RRP12: variants seen among roughly 807,000 people sequenced by gnomAD.
RRP12 encodes the protein ribosomal RNA processing 12 homolog, also known as RRP12-like protein.
In RRP12, 78 loss-of-function variants were observed where a neutral mutation model predicts 157.3. The observed-to-expected ratio is 0.50, with a 90% CI of 0.41 to 0.60. The LOEUF is 0.60. Ranked by LOEUF, RRP12 falls within the 20% of genes least tolerant of loss-of-function variation. The pLI is 0.00. For synonymous variants in RRP12, 726 were observed against 670.9 expected, an observed-to-expected ratio of 1.08 and a Z score of -1.27; for missense variants, 1,521 against 1,679.9, an observed-to-expected ratio of 0.91 and a Z score of 1.65.
chr10:97,377,225 T>C (rs1844334344), intron 15 of RRP12, among the ~76,000 whole-genome samples: 1 of 151,874 alleles, frequency 6.6e-6, no homozygotes, highest in African/African-American at 2.4e-5. Context: ...CATTAAAAAG[T>C]AGTGTGACAG....
In RRP12 at chr10:97,373,847, C is replaced by T. The variant is rs202239906; in HGVS notation, c.1846G>A (p.Asp616Asn). The change falls in exon 16 of 34, where the codon GAC becomes AAC. Residue 616 changes from aspartate (D) to asparagine (N), a missense_variant. Coordinates refer to ENST00000370992, the MANE Select transcript of RRP12 (RefSeq NM_015179.4). ...ACCCTTACCTGCCACTGGAGTGTGTCGTAGATCTTAGATTCCACTGTGCTG... is the reference window on the plus strand; with the variant it reads ...ACCCTTACCTGCCACTGGAGTGTGTTGTAGATCTTAGATTCCACTGTGCTG... ...AGSTVESKIY[D>N]TLQWQMWTLL... The T allele has an allele frequency of 7.7e-5, 125 of 1,613,796 alleles. No homozygotes were observed. Among genetic ancestry groups the T allele is most frequent in the Admixed American group, 2.2e-4 (13 of 59,994 alleles).
At chr10:97,365,058 A>G (rs1355955655) in intron 29 of RRP12, among the ~76,000 whole-genome samples, 1 of 152,124 alleles carries the variant, frequency 6.6e-6, no homozygotes, top group Non-Finnish European at 1.5e-5. Context: ...CCAACCCGGA[A>G]AAGTGGGTAT....
In RRP12 at chr10:97,371,165, G is replaced by T. The variant is rs191712333; in HGVS notation, c.2344-84C>A. 3.5e-6 allele frequency: 5 copies of T among 1,438,296 alleles called. No homozygotes were observed. In the Admixed American group the frequency reaches 1.0e-4, roughly 30 times the overall value. The allele number at this position is 1,438,296 out of a possible 1,614,324, so 89.1% of individuals were successfully genotyped here. A position where few individuals can be genotyped will look rare whatever the true frequency, so the allele number is the denominator to read the frequency against. ...ACGGAGCATCCCCCAGCACTGGAGG[G>T]ATTCTGAGCAGGGGTCCGTGGGGGC... On this transcript the variant is annotated intron_variant, in intron 20 of 33. Transcript: ENST00000370992.
chr10:97,391,718 G>C (rs1450317260), intron 4 of RRP12, among the ~76,000 whole-genome samples: 1 of 152,148 alleles, frequency 6.6e-6, no homozygotes, highest in East Asian at 1.9e-4. Context: ...TCAGGAGATC[G>C]AGACCATCCT....
chr10:97,396,674 A>G (rs968202791), intron 2 of RRP12, among the ~76,000 whole-genome samples: 1 of 152,244 alleles, frequency 6.6e-6, no homozygotes, highest in Non-Finnish European at 1.5e-5. Flanking sequence ...GATTGGTTCC[A>G]GGACCCCTAA....
rs1257923633 is a variant in RRP12 at position 97,367,176 on chromosome 10, T to C, written c.2956-44A>G. Reference sequence around the variant, plus strand: ...GGCTTTCAGGGAGGCGAGCCTTCCATGCTGCGCCCCCTTTACTGCTGTCCA... The same window carrying C: ...GGCTTTCAGGGAGGCGAGCCTTCCACGCTGCGCCCCCTTTACTGCTGTCCA... On this transcript the variant is annotated intron_variant, in intron 25 of 33. Coordinates refer to ENST00000370992, the MANE Select transcript of RRP12 (RefSeq NM_015179.4). 3.9e-6 allele frequency: 6 copies of C among 1,539,470 alleles called. 1 individual carries two copies. In the South Asian group the frequency reaches 6.7e-5, roughly 17 times the overall value.
chr10:97,380,528 T>C (rs1240025944), intron 13 of RRP12, among the ~76,000 whole-genome samples: 1 of 152,188 alleles, frequency 6.6e-6, no homozygotes, highest in African/African-American at 2.4e-5. Context: ...GGGGTGGGGA[T>C]AAGGGAAAGC....
intron 5 of RRP12, 84 bp downstream of exon 5, chr10:97,390,655 C>A: frequency 7.3e-7 from 1 of 1,363,766 alleles, no homozygotes; most frequent in Non-Finnish European, 1.0e-6. Flanking sequence ...GGTGCCTAAA[C>A]CCCTCTCAGG....
intron 15 of RRP12, among the ~76,000 whole-genome samples, chr10:97,376,123 C>T (rs1409932478): frequency 6.6e-6 from 1 of 150,898 alleles, no homozygotes; most frequent in Admixed American, 6.6e-5. Context: ...AACAAACAAA[C>T]AAACCGACCC....
In RRP12 at chr10:97,367,396, T is replaced by C; in HGVS notation, c.2956-264A>G. ...AGTCTTCTCAACAGCACTTGGTACTTGACATATATCCTCTCCTTGAATCCT... is the reference window on the plus strand; with the variant it reads ...AGTCTTCTCAACAGCACTTGGTACTCGACATATATCCTCTCCTTGAATCCT... On this transcript the variant is annotated intron_variant, in intron 25 of 33. Transcript: ENST00000370992. 4 of 549,428 alleles carry C rather than the reference T, an allele frequency of 7.3e-6. No homozygotes were observed. In the South Asian group the frequency reaches 8.6e-5, roughly 12 times the overall value. The allele number at this position is 549,428 out of a possible 1,614,324, so 34.0% of individuals were successfully genotyped here.
chr10:97,373,716 A>G lies in RRP12; in HGVS notation c.1885T>C (p.Phe629Leu), dbSNP rs1564755442. The G allele has an allele frequency of 1.9e-6, 3 of 1,613,298 alleles. No individual in the cohort carries two copies. The highest frequency in any genetic ancestry group is 2.5e-6 in the Non-Finnish European group (3 of 1,179,490). Residue 629 changes from phenylalanine (F) to leucine (L), a missense_variant, in exon 17 of 34, where the codon TTC (phenylalanine) becomes CTC (leucine). By Grantham distance (22) the Phe-to-Leu change is conservative. Coordinates refer to ENST00000370992, the MANE Select transcript of RRP12 (RefSeq NM_015179.4). The stretch of plus-strand genomic sequence containing the variant: ...GCCACATCTGTAGGCCTTGTGCAGA[A>G]CCCAGGCAGGAGTGTCCACATCTGG... The part of the protein sequence containing the change: ...QWQMWTLLPG[F>L]CTRPTDVAIS...
chr10:97,375,655 C>T (rs1844285066), intron 15 of RRP12, among the ~76,000 whole-genome samples: 1 of 152,066 alleles, frequency 6.6e-6, no homozygotes, highest in Non-Finnish European at 1.5e-5. Context: ...GGTAATGACC[C>T]TCATTTTGGG....
chr10:97,373,309 G>A, intron 17 of RRP12, 109 bp from the exon 18 acceptor site: 1 of 1,209,776 alleles, frequency 8.3e-7, no homozygotes, highest in South Asian at 1.5e-5. Context: ...GGCAGGACTT[G>A]GAATCCATGG....
chr10:97,370,900 G>T (rs563425119), intron 21 of RRP12, 23 bp downstream of exon 21: 63 of 1,613,184 alleles, frequency 3.9e-5, no homozygotes, highest in Non-Finnish European at 5.3e-5. Flanking sequence ...CCTCGGCAGA[G>T]CGGGTGGCCC....
At chr10:97,379,809 C>A in intron 13 of RRP12, 39 bp from the exon 14 acceptor site, 1 of 1,558,022 alleles carries the variant, frequency 6.4e-7, no homozygotes, top group South Asian at 1.2e-5. Context: ...AAGACATGCT[C>A]GAAAGCAGGG....
rs1214154262 is a variant in RRP12 at position 97,393,819 on chromosome 10, A to G, written c.454-59T>C. The G allele has an allele frequency of 4.3e-6, 6 of 1,404,570 alleles. No individual in the cohort carries two copies. The Admixed American group carries it at 1.0e-4, about 24-fold the overall frequency. The allele number at this position is 1,404,570 out of a possible 1,614,324, so 87.0% of individuals were successfully genotyped here. A position where few individuals can be genotyped will look rare whatever the true frequency, so the allele number is the denominator to read the frequency against. ...AAAACTTACACTGAGCAAACAGGAA[A>G]GAGAGTGGGGGAACATGTGCCCAGC... On this transcript the variant is annotated intron_variant, in intron 3 of 33. Transcript: ENST00000370992.
At position 97,390,736 on chromosome 10, in the gene RRP12, A is replaced by G; in HGVS notation, c.636+3T>C. 6.3e-7 allele frequency: 1 copy of G among 1,598,064 alleles called. No homozygotes were observed. The highest frequency in any genetic ancestry group is 8.6e-7 in the Non-Finnish European group (1 of 1,165,314). On this transcript the variant is annotated splice_donor_region_variant and intron_variant, in intron 5 of 33. Coordinates refer to ENST00000370992, the MANE Select transcript of RRP12 (RefSeq NM_015179.4). ...GATGAGAAACTAAACCCCAGACACT[A>G]ACCCATCGGAGGACAGAGGTGGAGC... is the stretch of plus-strand genomic sequence containing the variant.
intron 23 of RRP12, 44 bp from the exon 24 acceptor site, chr10:97,370,318 A>G: frequency 1.4e-6 from 2 of 1,466,926 alleles, no homozygotes; most frequent in Admixed American, 2.0e-5. Flanking sequence ...AGGACCCACC[A>G]GGTAGGGGGG....
At position 97,373,115 on chromosome 10, in the gene RRP12, C is replaced by T. The variant is rs1253237452; in HGVS notation, c.2112G>A (p.Gly704=). ...CAGCCCGGCGAGGGGCTGGAGTGTC[C>T]CCGGCTGCCACGGGCTGCCCATACA... ...FNLYGQPVAA[G]DTPAPRRAVL... The change falls in exon 18 of 34, where the codon GGG becomes GGA. Residue 704 remains glycine, a synonymous_variant. Coordinates refer to ENST00000370992, the MANE Select transcript of RRP12 (RefSeq NM_015179.4). The T allele has an allele frequency of 1.2e-6, 2 of 1,614,136 alleles. No homozygotes were observed. The highest frequency in any genetic ancestry group is 1.7e-5 in the Admixed American group (1 of 60,026).
Sources: allele counts gnomAD v4.1 joint callset (sites outside exome capture counted in the v4.1 genomes callset), GRCh38; gene constraint gnomAD v4.1.1; transcripts MANE v1.5; gene names NCBI Gene and HGNC (gene_info 2026-07-23, HGNC 2026-07-21).